Variants in PDZRN3 observed in about 807,000 individuals in gnomAD.
PDZRN3 encodes E3 ubiquitin-protein ligase PDZRN3.
Under a neutral mutation model 85.7 loss-of-function variants are expected in PDZRN3, and 38 were observed. That is an observed-to-expected ratio of 0.44 (90% CI 0.34 to 0.58). The LOEUF (loss-of-function observed/expected upper bound fraction) is 0.58. Ranked by LOEUF, PDZRN3 falls within the 20% of genes least tolerant of loss-of-function variation. PDZRN3 has a pLI of 0.01. For missense variants in PDZRN3, 1,629 were observed against 1,506.4 expected (o/e 1.08, Z -1.35); for synonymous variants, 759 against 638.0 (o/e 1.19, Z -2.86).
intron 3 of PDZRN3, among the ~76,000 whole-genome samples, chr3:73,506,057 G>T (rs2106696213): frequency 6.6e-6 from 1 of 152,154 alleles, no homozygotes; most frequent in South Asian, 2.1e-4. Context: ...TAAAGGAAAT[G>T]GTGTCCACTG....
intron 3 of PDZRN3, among the ~76,000 whole-genome samples, chr3:73,494,623 T>C (rs967648981): frequency 6.6e-6 from 1 of 152,262 alleles, no homozygotes; most frequent in Admixed American, 6.5e-5. Context: ...AAATTGTTTT[T>C]ATTGAAATAG....
At chr3:73,430,237 C>T (rs1702403620) in intron 3 of PDZRN3, among the ~76,000 whole-genome samples, 1 of 152,166 alleles carries the variant, frequency 6.6e-6, no homozygotes, top group Non-Finnish European at 1.5e-5. Flanking sequence ...TGACACTCAG[C>T]ATTGTGCCGG....
intron 3 of PDZRN3, among the ~76,000 whole-genome samples, chr3:73,466,342 C>A (rs1347220897): frequency 6.6e-6 from 1 of 151,334 alleles, no homozygotes; most frequent in Non-Finnish European, 1.5e-5. Context: ...AAAGGGGGGG[C>A]CCTTGGAGTT....
At chr3:73,514,275 G>C (rs891286534) in intron 3 of PDZRN3, among the ~76,000 whole-genome samples, 1 of 152,192 alleles carries the variant, frequency 6.6e-6, no homozygotes, top group Admixed American at 6.5e-5. Context: ...CATGTGAGAT[G>C]ACCCTAAACT....
At chr3:73,406,711 T>TA in intron 3 of PDZRN3, among the ~76,000 whole-genome samples, 1 of 152,342 alleles carries the variant, frequency 6.6e-6, no homozygotes, top group Middle Eastern at 3.4e-3. Context: ...AGTATACAAA[T>TA]ACCAGGCCTT....
rs73838532 is a variant in PDZRN3 at position 73,423,563 on chromosome 3, A to G, written c.919-19168T>C. Among the ~76,000 whole-genome samples the G allele has an allele frequency of 4.4e-3, 677 of 152,378 alleles. 8 individuals are homozygous for G. Among genetic ancestry groups the G allele is most frequent in the African/African-American group, 0.015 (633 of 41,590 alleles). On this transcript the variant is annotated intron_variant, in intron 3 of 9. Coordinates refer to ENST00000263666, the MANE Select transcript of PDZRN3 (RefSeq NM_015009.3). The stretch of plus-strand genomic sequence containing the variant: ...AAGATTTATTTAGCTAGAAACATGT[A>G]AACTTAGGAAATGTGTTTATAAAAA...
chr3:73,555,054 A>T (rs1309958771), intron 3 of PDZRN3, among the ~76,000 whole-genome samples: 1 of 152,212 alleles, frequency 6.6e-6, no homozygotes. Context: ...TGCAGGGGGG[A>T]TAGAAAAATT....
At chr3:73,577,218 G>C (rs769546096) in intron 3 of PDZRN3, among the ~76,000 whole-genome samples, 1 of 152,128 alleles carries the variant, frequency 6.6e-6, no homozygotes, top group African/African-American at 2.4e-5. Flanking sequence ...GAATCTAAAG[G>C]AAAGCTTGAT....
intron 3 of PDZRN3, among the ~76,000 whole-genome samples, chr3:73,486,094 T>G (rs1468269709): frequency 6.6e-6 from 1 of 152,172 alleles, no homozygotes; most frequent in Non-Finnish European, 1.5e-5. Context: ...TGGATAAAGC[T>G]GACAGGAAGC....
chr3:73,566,058 G>GA (rs890905057), intron 3 of PDZRN3, among the ~76,000 whole-genome samples: 9 of 152,114 alleles, frequency 5.9e-5, no homozygotes, highest in African/African-American at 1.7e-4. Context: ...AGGTAATTAG[G>GA]AAAAAAGGCA....
intron 3 of PDZRN3, chr3:73,474,631 C>T (rs1001931674): frequency 7.3e-5 from 89 of 1,220,420 alleles, no homozygotes; most frequent in Non-Finnish European, 8.6e-5. Flanking sequence ...TGAGCAAATG[C>T]TATGGTTGTG....
Position 73,384,808 on chromosome 3 carries a change from T to C in PDZRN3, c.1758A>G (p.Gln586=), listed in dbSNP as rs747253984. The change falls in exon 10 of 10, where the codon CAA becomes CAG. Residue 586 remains glutamine, a synonymous_variant. Transcript: ENST00000263666. ...CGGTGGCGTCGTCGCCATTGTTCTC[T>C]TGCTCCGAGCTCTCGTCATTACGGG... ...ESTRNDESSE[Q]ENNGDDATAS... is the part of the protein sequence containing the mutation. The C allele has an allele frequency of 2.5e-6, 4 of 1,614,088 alleles. No homozygotes were observed. Among genetic ancestry groups the C allele is most frequent in the Non-Finnish European group, 3.4e-6 (4 of 1,180,036 alleles).
chr3:73,548,770 G>A (rs1003462145), intron 3 of PDZRN3, among the ~76,000 whole-genome samples: 2 of 152,224 alleles, frequency 1.3e-5, no homozygotes, highest in Admixed American at 1.3e-4. Context: ...CAGAAAGCCA[G>A]TGTGTCTGAG....
chr3:73,449,660 A>G (rs1702819996), intron 3 of PDZRN3, among the ~76,000 whole-genome samples: 1 of 152,258 alleles, frequency 6.6e-6, no homozygotes, highest in Non-Finnish European at 1.5e-5. Context: ...AATATAATCA[A>G]GCTTTTAATT....
chr3:73,613,712 T>C (rs1175922844), intron 1 of PDZRN3, among the ~76,000 whole-genome samples: 2 of 152,088 alleles, frequency 1.3e-5, no homozygotes, highest in East Asian at 1.9e-4. Context: ...CCCTGAAGAC[T>C]GAGGAGTTCT....
At chr3:73,616,017 G>C (rs1702756725) in intron 1 of PDZRN3, among the ~76,000 whole-genome samples, 1 of 152,214 alleles carries the variant, frequency 6.6e-6, no homozygotes, top group Non-Finnish European at 1.5e-5. Context: ...CTGTCCCAGG[G>C]TGGTGGTGGG....
chr3:73,440,751 G>C (rs1380926286), intron 3 of PDZRN3, among the ~76,000 whole-genome samples: 1 of 152,218 alleles, frequency 6.6e-6, no homozygotes, highest in Non-Finnish European at 1.5e-5. Context: ...TGAGTGTCTC[G>C]GGGATGGGAC....
At chr3:73,497,182 T>G (rs565856472) in intron 3 of PDZRN3, among the ~76,000 whole-genome samples, 13 of 152,344 alleles carry the variant, frequency 8.5e-5, no homozygotes, top group Non-Finnish European at 1.2e-4. Flanking sequence ...CAGGAACATT[T>G]GCTTCCCTGT....
chr3:73,549,395 C>T (rs952787866), intron 3 of PDZRN3, among the ~76,000 whole-genome samples: 1 of 152,154 alleles, frequency 6.6e-6, no homozygotes, highest in African/African-American at 2.4e-5. Flanking sequence ...AATCAAGCTG[C>T]CCTGTCTGCT....
Sources: gnomAD v4.1 joint callset for allele counts (sites outside exome capture counted in the v4.1 genomes callset) on GRCh38, gnomAD v4.1.1 for gene constraint, MANE v1.5 for transcripts, NCBI Gene and HGNC (gene_info 2026-07-23, HGNC 2026-07-21) for gene names.